Variants in CCAR2 observed in about 807,000 individuals in gnomAD.
The protein encoded by CCAR2 is cell cycle and apoptosis regulator 2, also known as cell cycle and apoptosis regulator protein 2.
CCAR2 carries 21 observed loss-of-function variants against 108.1 expected under a neutral mutation model. That is an observed-to-expected ratio of 0.19 (90% CI 0.14 to 0.28). The LOEUF (loss-of-function observed/expected upper bound fraction) is 0.28, where lower values mean the gene tolerates loss of function less well. CCAR2 is among the 10% of genes least tolerant of loss of function. The pLI, the probability that CCAR2 is intolerant of heterozygous loss-of-function variation, is 1.00. For missense variants in CCAR2, 1,126 were observed against 1,177.0 expected (o/e 0.96, Z 0.63); for synonymous variants, 577 against 472.8 (o/e 1.22, Z -2.86).
chr8:22,615,105 C>G, intron 11 of CCAR2, 104 bp downstream of exon 11: 3 of 1,378,728 alleles, frequency 2.2e-6, no homozygotes, highest in Non-Finnish European at 2.9e-6. Context: ...GCTCTCTGCC[C>G]CCTAGTCCCG....
At chr8:22,609,854 C>G (rs1005631420) in intron 7 of CCAR2, among the ~76,000 whole-genome samples, 1 of 152,114 alleles carries the variant, frequency 6.6e-6, no homozygotes, top group Non-Finnish European at 1.5e-5. Flanking sequence ...TTACTTTGGC[C>G]ATTATGCTTC....
At position 22,610,067 on chromosome 8, in the gene CCAR2, T is replaced by C. The variant is rs191464359; in HGVS notation, c.584+2002T>C. 3.9e-5 allele frequency among the ~76,000 whole-genome samples: 6 copies of C among 152,206 alleles called. No individual in the cohort carries two copies. The East Asian group carries it at 1.2e-3, about 29-fold the overall frequency. Reference sequence around the variant, plus strand: ...AAACATTGCAAAATCTGAAAAAAATTCCAAACCCAGGATGCTTCTGGTCCC... The same window carrying C: ...AAACATTGCAAAATCTGAAAAAAATCCCAAACCCAGGATGCTTCTGGTCCC... On this transcript the variant is annotated intron_variant, in intron 7 of 20. Transcript: ENST00000308511.
In CCAR2 at chr8:22,604,861, T is replaced by C. The variant is rs3735901; in HGVS notation, c.-39+19T>C. ...CCCGCAGGTGGGTTGGGGGGCCCCC[T>C]GCCGCCCCTCTGCCCCTTCGCCCCT... On this transcript the variant is annotated intron_variant, in intron 1 of 20. Coordinates refer to ENST00000308511, the MANE Select transcript of CCAR2 (RefSeq NM_001393997.1). The C allele has an allele frequency of 0.32, 145,718 of 449,810 alleles. 24,232 individuals carry two copies. Among genetic ancestry groups the C allele is most frequent in the South Asian group, 0.37 (23,471 of 64,114 alleles). 27.9% of individuals were successfully genotyped at this position (449,810 alleles called of 1,614,324 possible). A position where few individuals can be genotyped will look rare whatever the true frequency, so the allele number is the denominator to read the frequency against.
chr8:22,619,600 C>T (rs770495347), intron 20 of CCAR2, 38 bp from the exon 21 acceptor site: 25 of 1,548,348 alleles, frequency 1.6e-5, no homozygotes, highest in Non-Finnish European at 2.1e-5. Flanking sequence ...GATCACCTTG[C>T]CAGGCCCGAT....
At chr8:22,606,240 C>T in intron 3 of CCAR2, 64 bp downstream of exon 3, 1 of 1,247,072 alleles carries the variant, frequency 8.0e-7, no homozygotes, top group Non-Finnish European at 1.2e-6. Context: ...AGGCCTGGTG[C>T]TCTTTTTCTC....
chr8:22,614,925 C>T lies in CCAR2; in HGVS notation c.1129C>T (p.Pro377Ser), dbSNP rs1801438385. Reference sequence around the variant, plus strand: ...GGATGGCCTCGACCCCCAGGCTGACCCGCAGGTGCTGGTGCGTACCGCCAT... The same window carrying T: ...GGATGGCCTCGACCCCCAGGCTGACTCGCAGGTGCTGGTGCGTACCGCCAT... ...SLDGLDPQAD[P>S]QVLVRTAIRC... Residue 377 changes from proline (P) to serine (S), a missense_variant, in exon 11 of 21, where the codon CCG (proline) becomes TCG (serine). Physicochemically the swap from Pro to Ser is moderately conservative, Grantham distance 74. Coordinates refer to ENST00000308511, the MANE Select transcript of CCAR2 (RefSeq NM_001393997.1). 2 of 1,613,118 alleles carry T rather than the reference C, an allele frequency of 1.2e-6. No individual in the cohort carries two copies. Among genetic ancestry groups the T allele is most frequent in the African/African-American group, 1.3e-5 (1 of 74,934 alleles).
chr8:22,618,294 T>C (rs13251089), intron 16 of CCAR2, 55 bp from the exon 17 acceptor site: 38,142 of 1,611,532 alleles, frequency 0.024, 654 homozygotes, highest in South Asian at 0.061. Flanking sequence ...TCCTGGGCGA[T>C]AGAGCCACTG....
intron 18 of CCAR2, 45 bp from the exon 19 acceptor site, chr8:22,618,782 T>G (rs1441163934): frequency 6.2e-7 from 1 of 1,613,176 alleles, no homozygotes; most frequent in African/African-American, 1.3e-5. Flanking sequence ...CAGGCTGCCC[T>G]CTCTGGAGAC....
exon 21 of CCAR2, chr8:22,620,470 AACTG>A (rs1222086021): frequency 1.3e-5 from 2 of 151,252 alleles, no homozygotes; most frequent in African/African-American, 2.4e-5. Context: ...GTCAAAAACA[AACTG>A]AGAGTGTGTC....
intron 16 of CCAR2, 44 bp downstream of exon 16, chr8:22,617,822 GCTTGGCAAGGC>G (rs1422828162): frequency 6.3e-7 from 1 of 1,593,854 alleles, no homozygotes. Context: ...TGGTGGTGAG[GCTTGGCAAGGC>G]CTCTGGCCCA....
intron 7 of CCAR2, among the ~76,000 whole-genome samples, chr8:22,611,618 G>A (rs1352976141): frequency 2.0e-5 from 3 of 151,998 alleles, no homozygotes; most frequent in African/African-American, 7.3e-5. Context: ...ATCTATACAT[G>A]TGCATACTTT....
rs756169529 is a variant in CCAR2 at position 22,615,581 on chromosome 8, C to G, written c.1362C>G (p.Thr454=). ...QQKAAEAAPP[T]QEAQGETEPT... ...AAGCTGCAGAGGCAGCTCCCCCAAC[C>G]CAGGAGGCACAAGGGGTAAGGCTGT... The change falls in exon 12 of 21, where the codon ACC becomes ACG. Residue 454 remains threonine, a synonymous_variant. Coordinates refer to ENST00000308511, the MANE Select transcript of CCAR2 (RefSeq NM_001393997.1). 6.2e-7 allele frequency: 1 copy of G among 1,613,910 alleles called. No individual in the cohort carries two copies. The highest frequency in any genetic ancestry group is 8.5e-7 in the Non-Finnish European group (1 of 1,180,024).
At position 22,619,305 on chromosome 8, in the gene CCAR2, C is replaced by T. The variant is rs201005174; in HGVS notation, c.2677C>T (p.Arg893Cys). The change falls in exon 20 of 21, where the codon CGC becomes TGC. Residue 893 changes from arginine (R) to cysteine (C), a missense_variant. Coordinates refer to ENST00000308511, the MANE Select transcript of CCAR2 (RefSeq NM_001393997.1). ...GCTCCAGCGGCTGCTGCAGGAGCTC[C>T]GCAGGCGTCTGACCCCCCTGCAGCT... is the stretch of plus-strand genomic sequence containing the variant. ...SQLQRLLQEL[R>C]RRLTPLQLEI... The T allele has an allele frequency of 2.9e-5, 46 of 1,564,166 alleles. No homozygotes were observed. The highest frequency in any genetic ancestry group is 1.6e-4 in the South Asian group (14 of 85,262).
chr8:22,615,243 C>A, intron 11 of CCAR2, 182 bp from the exon 12 acceptor site: 1 of 882,946 alleles, frequency 1.1e-6, no homozygotes, highest in Non-Finnish European at 1.7e-6. Context: ...TGGTTGCGGC[C>A]TCCCCACTGA....
intron 14 of CCAR2, 78 bp from the exon 15 acceptor site, chr8:22,617,342 C>T (rs1585165246): frequency 6.8e-7 from 1 of 1,477,278 alleles, no homozygotes; most frequent in East Asian, 2.3e-5. Flanking sequence ...AGTTGATACT[C>T]AGGTGTCAGC....
intron 16 of CCAR2, 128 bp downstream of exon 16, chr8:22,617,906 T>G: frequency 1.0e-6 from 1 of 963,536 alleles, no homozygotes; most frequent in Non-Finnish European, 1.6e-6. Context: ...CACAGTGTGG[T>G]CCTTGGCTCA....
In CCAR2 at chr8:22,611,388, A is replaced by ATG. The variant is rs145362940; in HGVS notation, c.585-1613_585-1612dup. On this transcript the variant is annotated intron_variant, in intron 7 of 20. Coordinates refer to ENST00000308511, the MANE Select transcript of CCAR2 (RefSeq NM_001393997.1). ...AAAAAAAAAAAAAAAAAGTATATAT[A>ATG]TGTGTGTGTGTGTGTGTATGTGTGT... Among the ~76,000 whole-genome samples the ATG allele has an allele frequency of 6.3e-3, 813 of 128,448 alleles. 9 individuals are homozygous for ATG. Among genetic ancestry groups the ATG allele is most frequent in the African/African-American group, 0.018 (567 of 31,310 alleles). 84.3% of individuals were successfully genotyped at this position (128,448 alleles called of 152,430 possible).
Position 22,608,008 on chromosome 8 carries a change from G to A in CCAR2, c.527G>A (p.Ser176Asn). The change falls in exon 7 of 21, where the codon AGC becomes AAC. Residue 176 changes from serine (S) to asparagine (N), a missense_variant. Physicochemically the swap from Ser to Asn is conservative, Grantham distance 46. Around this residue, in one of 4 missense-constraint regions of CCAR2, gnomAD observed 1,013 missense variants for 993.9 expected, o/e 1.02. Transcript: ENST00000308511. ...CAAACATCCCACACACTTCACCTGA[G>A]CCACCTGAACAGATTTCCTGCCCGG... is the stretch of plus-strand genomic sequence containing the variant. The part of the protein sequence containing the change: ...LFQTSHTLHL[S>N]HLNRFPARGP... 1.2e-6 allele frequency: 2 copies of A among 1,614,030 alleles called. No homozygotes were observed. The highest frequency in any genetic ancestry group is 1.3e-5 in the African/African-American group (1 of 75,014).
rs141062712 is a variant in CCAR2 at position 22,617,599 on chromosome 8, T to A, written c.1990+35T>A. On this transcript the variant is annotated intron_variant, in intron 15 of 20. Transcript: ENST00000308511. Reference sequence around the variant, plus strand: ...GTGGTGAGAGGGGAGCTTGCAGGCTTGGGATGTGGCTTTCCACCTGTGGCC... The same window carrying A: ...GTGGTGAGAGGGGAGCTTGCAGGCTAGGGATGTGGCTTTCCACCTGTGGCC... 1.2e-3 allele frequency: 2,003 copies of A among 1,608,630 alleles called. 29 individuals are homozygous for A. The African/African-American group carries it at 0.023, about 19-fold the overall frequency.
Sources: gnomAD v4.1 joint callset for allele counts (sites outside exome capture counted in the v4.1 genomes callset) on GRCh38, gnomAD v4.1.1 for gene constraint, gnomAD v4.1.1 regional missense constraint, MANE v1.5 for transcripts, NCBI Gene and HGNC (gene_info 2026-07-23, HGNC 2026-07-21) for gene names.